Variants in PRKAR1A observed in about 807,000 individuals in gnomAD.
The protein encoded by PRKAR1A is cAMP-dependent protein kinase type I-alpha regulatory subunit.
A neutral mutation model predicts 52.0 loss-of-function variants in PRKAR1A; 3 were observed. The ratio of observed to expected loss-of-function variants is 0.06; its 90% CI spans 0.03 to 0.15. The LOEUF (loss-of-function observed/expected upper bound fraction) is 0.15, where lower values mean the gene tolerates loss of function less well. PRKAR1A is among the 10% of genes least tolerant of loss of function. PRKAR1A has a pLI of 1.00. For synonymous variants in PRKAR1A, 188 were observed against 168.4 expected (o/e 1.12, Z -0.90); for missense variants, 240 against 477.4 (o/e 0.50, Z 4.63).
the PRKAR1A span, among the ~76,000 whole-genome samples, chr17:68,449,605 G>C: frequency 1.3e-5 from 2 of 152,144 alleles, no homozygotes; most frequent in South Asian, 4.1e-4. Flanking sequence ...TTGTTTAATA[G>C]TGGGTAGTAC....
At position 68,533,287 on chromosome 17, in the gene PRKAR1A, T is replaced by C. The variant is rs2086026138; in HGVS notation, c.*2838T>C. On this transcript the variant is annotated 3_prime_UTR_variant, in exon 11 of 11. Coordinates refer to ENST00000589228, the MANE Select transcript of PRKAR1A (RefSeq NM_002734.5). Reference sequence around the variant, plus strand: ...TGGTATTTCTTCACATCCAGTGAAATTGGAGATATGTTGTATGTTAGAAGA... The same window carrying C: ...TGGTATTTCTTCACATCCAGTGAAACTGGAGATATGTTGTATGTTAGAAGA... The C allele has an allele frequency of 9.4e-7, 1 of 1,064,172 alleles. No homozygotes were observed. The highest frequency in any genetic ancestry group is 1.1e-6 in the Non-Finnish European group (1 of 878,454). 65.9% of individuals were successfully genotyped at this position (1,064,172 alleles called of 1,614,324 possible).
chr17:68,543,887 C>T (rs1285734920), intron 11 of PRKAR1A, among the ~76,000 whole-genome samples: 1 of 152,098 alleles, frequency 6.6e-6, no homozygotes, highest in Non-Finnish European at 1.5e-5. Context: ...CTCCCTTCGC[C>T]AGGAGAAGAC....
the PRKAR1A span, among the ~76,000 whole-genome samples, chr17:68,423,571 G>A: frequency 5.6e-4 from 85 of 152,268 alleles, no homozygotes; most frequent in Middle Eastern, 3.4e-3. This position sits in a 1 kb window ranked among gnomAD's most constrained non-coding sequence, Gnocchi z 4.4. Context: ...TATTTCTTGC[G>A]TATAAATAAG....
At chr17:68,546,857 C>T (rs765145229) in intron 11 of PRKAR1A, among the ~76,000 whole-genome samples, 3 of 147,512 alleles carry the variant, frequency 2.0e-5, no homozygotes, top group Non-Finnish European at 4.5e-5. Context: ...AAAGGTAAGA[C>T]TTGAAAGTTA....
At chr17:68,452,638 T>C in the PRKAR1A span, among the ~76,000 whole-genome samples, 1 of 152,228 alleles carries the variant, frequency 6.6e-6, no homozygotes, top group African/African-American at 2.4e-5. Context: ...ACTGTGCATA[T>C]AAGCATGTGA....
At chr17:68,541,021 C>A in intron 11 of PRKAR1A, 1 of 1,547,124 alleles carries the variant, frequency 6.5e-7, no homozygotes, top group Non-Finnish European at 8.7e-7. Flanking sequence ...GGGGGTCTCC[C>A]CACACCTCCC....
chr17:68,532,527 T>A lies in PRKAR1A; in HGVS notation c.*2078T>A. 1.9e-6 allele frequency: 2 copies of A among 1,064,926 alleles called. No homozygotes were observed. Among genetic ancestry groups the A allele is most frequent in the Non-Finnish European group, 2.3e-6 (2 of 878,586 alleles). 66.0% of individuals were successfully genotyped at this position (1,064,926 alleles called of 1,614,324 possible). On this transcript the variant is annotated 3_prime_UTR_variant, in exon 11 of 11. Transcript: ENST00000589228. ...GTGTAATCTAAGTATATGTGAGAAA[T>A]CAGAATTGGCATAATTTGTCTTAGT...
At chr17:68,432,883 T>A in the PRKAR1A span, among the ~76,000 whole-genome samples, 1 of 152,198 alleles carries the variant, frequency 6.6e-6, no homozygotes, top group Admixed American at 6.5e-5. Flanking sequence ...CCAACCCCCA[T>A]TCTGCACAGG....
chr17:68,541,350 A>T (rs180957312), intron 11 of PRKAR1A: 11 of 248,128 alleles, frequency 4.4e-5, no homozygotes, highest in Admixed American at 2.5e-4. Context: ...TTTCTCTCTC[A>T]CACATGGTTT....
At chr17:68,430,715 A>G in the PRKAR1A span, among the ~76,000 whole-genome samples, 2 of 152,206 alleles carry the variant, frequency 1.3e-5, no homozygotes, top group African/African-American at 4.8e-5. Flanking sequence ...TGTCGCCTAC[A>G]GTCATGGAAC....
At chr17:68,508,238 T>G (rs576982393), upstream of PRKAR1A, among the ~76,000 whole-genome samples, 15 of 152,340 alleles carry the variant, frequency 9.8e-5, no homozygotes, top group Non-Finnish European at 1.8e-4. Context: ...CATGCTTATG[T>G]TCATTGTAGC....
intron 2 of PRKAR1A, among the ~76,000 whole-genome samples, chr17:68,516,877 C>CG (rs1298324436): frequency 1.3e-5 from 2 of 152,190 alleles, no homozygotes; most frequent in Non-Finnish European, 2.9e-5. Context: ...GTTTTGAAGT[C>CG]AAGTGCATTC....
intron 11 of PRKAR1A, chr17:68,551,050 G>A (rs956705650): frequency 1.6e-6 from 2 of 1,230,862 alleles, no homozygotes; most frequent in Non-Finnish European, 2.0e-6. Context: ...CTTGGGTAAC[G>A]TGGCCCCTCT....
At chr17:68,498,948 C>G in the PRKAR1A span, among the ~76,000 whole-genome samples, 16 of 152,240 alleles carry the variant, frequency 1.1e-4, no homozygotes, top group Admixed American at 6.5e-4. Context: ...CACCCCAGCT[C>G]TGCCTCTTCC....
the PRKAR1A span, chr17:68,424,520 T>G: frequency 1.9e-6 from 1 of 534,186 alleles, no homozygotes. Flanking sequence ...TGGACATTGT[T>G]TCAGTGCCCA....
chr17:68,461,112 G>A, the PRKAR1A span, among the ~76,000 whole-genome samples: 7 of 148,948 alleles, frequency 4.7e-5, no homozygotes, highest in South Asian at 1.3e-3. The surrounding 1 kb of genome is among the most constrained non-coding windows in gnomAD (Gnocchi z 4.6). Flanking sequence ...AGGGGACAAT[G>A]CTTTGTTCCA....
At chr17:68,455,188 C>T in the PRKAR1A span, among the ~76,000 whole-genome samples, 1 of 151,820 alleles carries the variant, frequency 6.6e-6, no homozygotes, top group Non-Finnish European at 1.5e-5. Flanking sequence ...GTGGCAAAAC[C>T]CCGTCTCTAC....
At chr17:68,434,705 T>C in the PRKAR1A span, 2 of 1,476,908 alleles carry the variant, frequency 1.4e-6, no homozygotes, top group African/African-American at 1.4e-5. Context: ...GGAGTTTGTT[T>C]TATTGGTTTT....
intron 11 of PRKAR1A, among the ~76,000 whole-genome samples, chr17:68,544,035 A>G (rs2086434424): frequency 6.6e-6 from 1 of 152,186 alleles, no homozygotes; most frequent in Non-Finnish European, 1.5e-5. Flanking sequence ...GAAGAAATAG[A>G]CATTCTTCTG....
Sources: allele counts gnomAD v4.1 joint callset (sites outside exome capture counted in the v4.1 genomes callset), GRCh38; gene constraint gnomAD v4.1.1; non-coding constraint Gnocchi (gnomAD v3.1); transcripts MANE v1.5; gene names NCBI Gene and HGNC (gene_info 2026-07-23, HGNC 2026-07-21).